Variants in AGMO observed in about 807,000 individuals in gnomAD.
AGMO encodes alkylglycerol monooxygenase.
A neutral mutation model predicts 60.2 loss-of-function variants in AGMO; 75 were observed. That is an observed-to-expected ratio of 1.25 (90% confidence interval 1.03 to 1.51). The LOEUF (loss-of-function observed/expected upper bound fraction) is 1.51. AGMO is among the 40% of genes most tolerant of loss of function. AGMO has a pLI of 0.00. For synonymous variants in AGMO, 261 were observed against 177.1 expected (o/e 1.47, Z -3.76); for missense variants, 763 against 525.5 (o/e 1.45, Z -4.42).
intron 3 of AGMO, among the ~76,000 whole-genome samples, chr7:15,484,349 G>A (rs913670306): frequency 6.6e-6 from 1 of 151,998 alleles, no homozygotes; most frequent in South Asian, 2.1e-4. Flanking sequence ...TTTGCATCAA[G>A]TTCAAAAATG....
intron 12 of AGMO, among the ~76,000 whole-genome samples, chr7:15,343,635 C>A (rs571540217): frequency 1.3e-5 from 2 of 152,118 alleles, no homozygotes; most frequent in Admixed American, 6.5e-5. Flanking sequence ...TTGTTACCAA[C>A]CTCTTTGCTT....
At chr7:15,275,438 G>T (rs192714010) in intron 12 of AGMO, among the ~76,000 whole-genome samples, 4 of 152,050 alleles carry the variant, frequency 2.6e-5, no homozygotes, top group Non-Finnish European at 5.9e-5. Flanking sequence ...AATTGATTGA[G>T]ATTTGCTTAA....
rs1301612944 is a variant in AGMO, at chr7:15,407,040, CAT to C, written c.609+11516_609+11517del. On this transcript the variant is annotated intron_variant, in intron 5 of 12. Transcript: ENST00000342526. ...ATGTGTATATATATGTATATACACACATATATATGAATATACATATATATGTA... is the reference window on the plus strand; with the variant it reads ...ATGTGTATATATATGTATATACACACATATATGAATATACATATATATGTA... Among the ~76,000 whole-genome samples, 4 of 142,368 alleles carry C rather than the reference CAT, an allele frequency of 2.8e-5. No homozygotes were observed. In the East Asian group the frequency reaches 6.0e-4, roughly 22 times the overall value. 93.4% of individuals were successfully genotyped at this position (142,368 alleles called of 152,430 possible). A position where few individuals can be genotyped will look rare whatever the true frequency, so the allele number is the denominator to read the frequency against.
intron 12 of AGMO, among the ~76,000 whole-genome samples, chr7:15,300,548 C>T (rs1274207700): frequency 3.3e-5 from 5 of 151,670 alleles, no homozygotes; most frequent in Non-Finnish European, 1.5e-5. Context: ...ATTTTAAAAC[C>T]CTTAAAGAGT....
intron 3 of AGMO, among the ~76,000 whole-genome samples, chr7:15,474,618 A>C (rs1474138661): frequency 6.6e-6 from 1 of 152,176 alleles, no homozygotes; most frequent in Non-Finnish European, 1.5e-5. Context: ...AGGCAACACC[A>C]TCAAGGACAT....
At chr7:15,416,027 C>CTTTTTTTTTTTTTTTTT (rs759040945) in intron 5 of AGMO, among the ~76,000 whole-genome samples, 1 of 130,894 alleles carries the variant, frequency 7.6e-6, no homozygotes, top group Admixed American at 7.8e-5. Context: ...TTCTTTTTTT[C>CTTTTTTTTTTTTTTTTT]TTTTTTTTTT....
intron 12 of AGMO, among the ~76,000 whole-genome samples, chr7:15,355,373 G>A (rs1423336576): frequency 2.0e-5 from 3 of 151,678 alleles, no homozygotes; most frequent in African/African-American, 7.3e-5. Context: ...CATGGTGGCG[G>A]ATGCCTGTAG....
At chr7:15,551,611 G>A (rs1784963011) in intron 2 of AGMO, among the ~76,000 whole-genome samples, 1 of 151,384 alleles carries the variant, frequency 6.6e-6, no homozygotes, top group African/African-American at 2.4e-5. Context: ...CAACTTACAA[G>A]GGATGTGAAG....
chr7:15,515,790 T>C lies in AGMO; in HGVS notation c.409+28982A>G, dbSNP rs544206801. ...GGATTTATAAGCAATGAAGTCATTT[T>C]GTTATTTCTTCAACAGTTTTCTTTA... On this transcript the variant is annotated intron_variant, in intron 3 of 12. Transcript: ENST00000342526. Among the ~76,000 whole-genome samples, 6 of 152,358 alleles carry C rather than the reference T, an allele frequency of 3.9e-5. No homozygotes were observed. In the South Asian group the frequency reaches 1.2e-3, roughly 32 times the overall value.
intron 3 of AGMO, among the ~76,000 whole-genome samples, chr7:15,512,596 G>A (rs1336307233): frequency 6.6e-6 from 1 of 152,182 alleles, no homozygotes; most frequent in Non-Finnish European, 1.5e-5. Context: ...ATGTCAACTA[G>A]AGGTTTGCCT....
intron 3 of AGMO, among the ~76,000 whole-genome samples, chr7:15,457,894 A>C (rs375179697): frequency 6.6e-5 from 10 of 152,280 alleles, no homozygotes; most frequent in African/African-American, 2.2e-4. Flanking sequence ...TTGAATATCT[A>C]ACCCACTAGT....
chr7:15,191,476 C>T, the AGMO span, among the ~76,000 whole-genome samples: 1 of 152,078 alleles, frequency 6.6e-6, no homozygotes, highest in Admixed American at 6.5e-5. Flanking sequence ...AACCACAGCC[C>T]ACAAATTTGG....
Position 15,499,808 on chromosome 7 carries a change from A to G in AGMO, c.409+44964T>C, listed in dbSNP as rs148016343. ...GCAATGCAACTGTAAAAGAGATTAA[A>G]ATGTTCTCCAAGATATTTTACTCAG... On this transcript the variant is annotated intron_variant, in intron 3 of 12. Coordinates refer to ENST00000342526, the MANE Select transcript of AGMO (RefSeq NM_001004320.2). Among the ~76,000 whole-genome samples the G allele has an allele frequency of 4.0e-5, 6 of 151,714 alleles. No individual in the cohort carries two copies. In the East Asian group the frequency reaches 9.7e-4, roughly 24 times the overall value.
chr7:15,467,072 T>C (rs908860962), intron 3 of AGMO, among the ~76,000 whole-genome samples: 1 of 152,182 alleles, frequency 6.6e-6, no homozygotes, highest in Non-Finnish European at 1.5e-5. Flanking sequence ...AATATAGTTC[T>C]ATAATACTGC....
chr7:15,154,635 C>A, the AGMO span, among the ~76,000 whole-genome samples: 1 of 152,128 alleles, frequency 6.6e-6, no homozygotes, highest in Admixed American at 6.5e-5. Flanking sequence ...AAGATTTGAT[C>A]ATGTGATGGT....
At chr7:15,487,506 T>G (rs1320914156) in intron 3 of AGMO, among the ~76,000 whole-genome samples, 1 of 152,146 alleles carries the variant, frequency 6.6e-6, no homozygotes, top group African/African-American at 2.4e-5. Flanking sequence ...AACTGGACAG[T>G]GATTTGATTC....
intron 5 of AGMO, chr7:15,396,057 T>C (rs963203856): frequency 2.0e-5 from 3 of 152,298 alleles, no homozygotes; most frequent in African/African-American, 7.2e-5. Flanking sequence ...TGAAAAGAGT[T>C]CTTGTCTCTC....
the AGMO span, among the ~76,000 whole-genome samples, chr7:15,171,993 C>G: frequency 2.0e-5 from 3 of 152,106 alleles, no homozygotes; most frequent in African/African-American, 7.2e-5. Context: ...GGGATAACCT[C>G]AGATCTAAAA....
At position 15,331,924 on chromosome 7, in the gene AGMO, C is replaced by CAA. The variant is rs201411602; in HGVS notation, c.1263+33588_1263+33589dup. On this transcript the variant is annotated intron_variant, in intron 12 of 12. Coordinates refer to ENST00000342526, the MANE Select transcript of AGMO (RefSeq NM_001004320.2). ...TTGGACAACAAGAGTAAAACTGTCT[C>CAA]AAAAAAAAAAAAATTGCCATGTGAC... Among the ~76,000 whole-genome samples the CAA allele has an allele frequency of 2.8e-3, 391 of 142,124 alleles. 1 individual carries two copies. The highest frequency in any genetic ancestry group is 8.0e-3 in the African/African-American group (312 of 38,972). The allele number at this position is 142,124 out of a possible 152,430, so 93.2% of individuals were successfully genotyped here. A position where few individuals can be genotyped will look rare whatever the true frequency, so the allele number is the denominator to read the frequency against.
Sources: allele counts gnomAD v4.1 joint callset (sites outside exome capture counted in the v4.1 genomes callset), GRCh38; gene constraint gnomAD v4.1.1; transcripts MANE v1.5; gene names NCBI Gene and HGNC (gene_info 2026-07-23, HGNC 2026-07-21).